Variants in CPA3 observed in about 807,000 individuals in gnomAD.
CPA3 encodes the protein carboxypeptidase A3, also known as mast cell carboxypeptidase A.
A neutral mutation model predicts 55.8 loss-of-function variants in CPA3; 52 were observed. The ratio of observed to expected loss-of-function variants is 0.93; its 90% CI spans 0.75 to 1.17. CPA3 has a LOEUF of 1.17. Ranked by LOEUF, CPA3 falls within the 50% of genes most tolerant of loss-of-function variation. The pLI is 0.00. For missense variants in CPA3, 547 were observed against 509.1 expected (o/e 1.07, Z -0.72); for synonymous variants, 179 against 171.2 (o/e 1.05, Z -0.36).
chr3:148,870,605 A>G (rs1225920587), intron 3 of CPA3, among the ~76,000 whole-genome samples: 2 of 152,160 alleles, frequency 1.3e-5, no homozygotes, highest in African/African-American at 4.8e-5. Context: ...AAAAGTTAAC[A>G]AATTGAAAAT....
chr3:148,895,804 T>A (rs1394855412), intron 10 of CPA3, among the ~76,000 whole-genome samples: 2 of 152,014 alleles, frequency 1.3e-5, no homozygotes, highest in African/African-American at 4.8e-5. Flanking sequence ...TGCCTTCACA[T>A]ACAAAAAAAA....
At chr3:148,876,624 G>C (rs181682712) in intron 3 of CPA3, among the ~76,000 whole-genome samples, 2,743 of 152,226 alleles carry the variant, frequency 0.018, 98 homozygotes, top group African/African-American at 0.061. Flanking sequence ...TGATCCAACT[G>C]CCTCAGCTTC....
intron 3 of CPA3, among the ~76,000 whole-genome samples, chr3:148,869,395 C>G (rs1019917519): frequency 6.6e-6 from 1 of 152,098 alleles, no homozygotes; most frequent in Non-Finnish European, 1.5e-5. Context: ...CGGCCCAGAT[C>G]TCATGAGCTA....
At chr3:148,884,845 G>C (rs1486538006) in intron 9 of CPA3, among the ~76,000 whole-genome samples, 1 of 149,254 alleles carries the variant, frequency 6.7e-6, no homozygotes, top group Non-Finnish European at 1.5e-5. Context: ...ATGATATTAT[G>C]GGTTAAAAAA....
intron 3 of CPA3, 26 bp downstream of exon 3, chr3:148,869,065 T>A: frequency 6.2e-7 from 1 of 1,605,210 alleles, no homozygotes. Flanking sequence ...ATATTGAAAT[T>A]TGTTGGATAT....
At chr3:148,873,281 G>T (rs982364879) in intron 3 of CPA3, among the ~76,000 whole-genome samples, 4 of 151,766 alleles carry the variant, frequency 2.6e-5, no homozygotes, top group Non-Finnish European at 5.9e-5. Flanking sequence ...ATGTAATGTG[G>T]GCATCAGGAG....
chr3:148,868,024 T>C (rs1305685011), intron 2 of CPA3, among the ~76,000 whole-genome samples: 1 of 152,072 alleles, frequency 6.6e-6, no homozygotes, highest in Non-Finnish European at 1.5e-5. Context: ...GCCTCCCGAG[T>C]AGCTGAGATT....
intron 3 of CPA3, among the ~76,000 whole-genome samples, chr3:148,877,333 T>G (rs1472784043): frequency 1.3e-5 from 2 of 152,102 alleles, no homozygotes; most frequent in African/African-American, 2.4e-5. Flanking sequence ...CCGTCTCTAC[T>G]CAAAATACAA....
In CPA3 at chr3:148,872,489, G is replaced by A. The variant is rs79453635; in HGVS notation, c.269+3450G>A. 5.8e-3 allele frequency among the ~76,000 whole-genome samples: 888 copies of A among 152,186 alleles called. 5 individuals are homozygous for A. The highest frequency in any genetic ancestry group is 0.02 in the African/African-American group (829 of 41,530). On this transcript the variant is annotated intron_variant, in intron 3 of 10. Transcript: ENST00000296046. Reference sequence around the variant, plus strand: ...ATGGTACAATTAAGTAAAATCTTACGAGGATCCATATAAGATTATGTGAGA... The same window carrying A: ...ATGGTACAATTAAGTAAAATCTTACAAGGATCCATATAAGATTATGTGAGA...
intron 3 of CPA3, among the ~76,000 whole-genome samples, chr3:148,872,037 A>G (rs1479453286): frequency 6.6e-6 from 1 of 151,726 alleles, no homozygotes; most frequent in Non-Finnish European, 1.5e-5. Flanking sequence ...CACACCCTTC[A>G]TTAGACAGGG....
intron 10 of CPA3, among the ~76,000 whole-genome samples, chr3:148,894,021 G>C (rs1559972320): frequency 6.6e-6 from 1 of 152,150 alleles, no homozygotes; most frequent in Non-Finnish European, 1.5e-5. Flanking sequence ...ATGGCTAAAA[G>C]AACCCTCTGA....
Position 148,896,610 on chromosome 3 carries a change from G to A in CPA3, c.1157G>A (p.Gly386Asp). Residue 386 changes from glycine to aspartate, a missense_variant, in exon 11 of 11, where the codon GGT (glycine) becomes GAT (aspartate). Physicochemically the swap from Gly to Asp is moderately conservative, Grantham distance 94. Transcript: ENST00000296046. ...AFELRDKGKF[G>D]FLLPESRIKP... ...GAGCTCCGAGATAAAGGCAAATTTGGTTTTCTCCTTCCAGAATCCCGGATA... is the reference window on the plus strand; with the variant it reads ...GAGCTCCGAGATAAAGGCAAATTTGATTTTCTCCTTCCAGAATCCCGGATA... 8.2e-6 allele frequency: 13 copies of A among 1,592,328 alleles called. No homozygotes were observed. Among genetic ancestry groups the A allele is most frequent in the Non-Finnish European group, 1.0e-5 (12 of 1,163,630 alleles).
intron 6 of CPA3, 122 bp downstream of exon 6, chr3:148,880,011 G>A (rs1307236874): frequency 1.6e-6 from 1 of 628,448 alleles, no homozygotes; most frequent in Middle Eastern, 2.6e-4. Context: ...ACTTGGTGCT[G>A]TCAGGGAAGA....
At position 148,868,927 on chromosome 3, in the gene CPA3, T is replaced by C. The variant is rs763949968; in HGVS notation, c.157T>C (p.Tyr53His). The change falls in exon 3 of 11, where the codon TAT becomes CAT. Residue 53 changes from tyrosine to histidine, a missense_variant. Transcript: ENST00000296046. Reference protein sequence around the residue: ...LAKTNELDFWYPGATHHVAAN... With the variant: ...LAKTNELDFWHPGATHHVAAN... ...CTTATCTCTGCAGCTTGACTTCTGG[T>C]ATCCAGGTGCCACCCACCACGTAGC... 27 of 1,613,698 alleles carry C rather than the reference T, an allele frequency of 1.7e-5. No homozygotes were observed. The highest frequency in any genetic ancestry group is 2.2e-5 in the South Asian group (2 of 91,028).
intron 10 of CPA3, among the ~76,000 whole-genome samples, chr3:148,890,832 G>T (rs1223533080): frequency 6.6e-6 from 1 of 152,140 alleles, no homozygotes; most frequent in African/African-American, 2.4e-5. Context: ...GTTTGGTACG[G>T]TTTCATTTTG....
intron 3 of CPA3, among the ~76,000 whole-genome samples, chr3:148,872,248 C>A (rs1714084814): frequency 6.6e-6 from 1 of 152,094 alleles, no homozygotes; most frequent in South Asian, 2.1e-4. Context: ...AAACAAATAT[C>A]AAAGGGAAGG....
At chr3:148,870,955 G>A (rs1714048661) in intron 3 of CPA3, among the ~76,000 whole-genome samples, 1 of 152,154 alleles carries the variant, frequency 6.6e-6, no homozygotes. Context: ...CTGGAGTGCA[G>A]TGGCGCAATC....
chr3:148,892,039 G>A (rs1429924561), intron 10 of CPA3, among the ~76,000 whole-genome samples: 1 of 76,512 alleles, frequency 1.3e-5, no homozygotes, highest in African/African-American at 5.6e-5. Context: ...ATTTGACCCT[G>A]TTAATAACTT....
At position 148,865,625 on chromosome 3, in the gene CPA3, C is replaced by T. The variant is rs369658041; in HGVS notation, c.144+77C>T. ...CTTCTTCTTATTTTACTGTCAATGC[C>T]CATGGGACTACAAAAGACTATTGAA... On this transcript the variant is annotated intron_variant, in intron 2 of 10. Coordinates refer to ENST00000296046, the MANE Select transcript of CPA3 (RefSeq NM_001870.4). The T allele has an allele frequency of 3.2e-6, 4 of 1,261,914 alleles. No individual in the cohort carries two copies. In the African/African-American group the frequency reaches 4.5e-5, roughly 14 times the overall value. The allele number at this position is 1,261,914 out of a possible 1,614,324, so 78.2% of individuals were successfully genotyped here. A position where few individuals can be genotyped will look rare whatever the true frequency, so the allele number is the denominator to read the frequency against.
Sources: gnomAD v4.1 joint callset for allele counts (sites outside exome capture counted in the v4.1 genomes callset) on GRCh38, gnomAD v4.1.1 for gene constraint, MANE v1.5 for transcripts, NCBI Gene and HGNC (gene_info 2026-07-23, HGNC 2026-07-21) for gene names.